DGKH: variants seen among roughly 807,000 people sequenced by gnomAD.
DGKH encodes the protein diacylglycerol kinase eta, also known as DAG kinase eta.
A neutral mutation model predicts 159.3 loss-of-function variants in DGKH; 90 were observed. The observed-to-expected ratio is 0.57, with a 90% CI of 0.48 to 0.67. DGKH has a LOEUF of 0.67. DGKH is among the 30% of genes least tolerant of loss of function. The pLI, the probability that DGKH is intolerant of heterozygous loss-of-function variation, is 0.00. For synonymous variants in DGKH, 536 were observed against 553.8 expected (o/e 0.97, Z 0.45); for missense variants, 1,181 against 1,506.1 (o/e 0.78, Z 3.57).
chr13:42,114,607 A>G (rs1482704429), intron 1 of DGKH, among the ~76,000 whole-genome samples: 2 of 152,216 alleles, frequency 1.3e-5, no homozygotes, highest in Non-Finnish European at 2.9e-5. Context: ...TCCAGCAGCA[A>G]TTCTAATCAT....
intron 5 of DGKH, among the ~76,000 whole-genome samples, chr13:42,158,303 T>C (rs1178455231): frequency 6.6e-6 from 1 of 152,248 alleles, no homozygotes; most frequent in Admixed American, 6.5e-5. Flanking sequence ...ACCTTTCATT[T>C]AAATTTAGCA....
At chr13:42,118,283 G>C (rs1055097132) in intron 1 of DGKH, among the ~76,000 whole-genome samples, 1 of 152,058 alleles carries the variant, frequency 6.6e-6, no homozygotes, top group Non-Finnish European at 1.5e-5. Flanking sequence ...CTCAATCAGG[G>C]GCCCAGCGCT....
At chr13:42,246,906 G>T (rs1377252732), downstream of DGKH, among the ~76,000 whole-genome samples, 3 of 152,084 alleles carry the variant, frequency 2.0e-5, no homozygotes, top group Non-Finnish European at 4.4e-5. Flanking sequence ...GAATGTGTGT[G>T]TGTATATACA....
intron 29 of DGKH, among the ~76,000 whole-genome samples, chr13:42,250,312 G>A (rs182580069): frequency 7.2e-5 from 11 of 152,036 alleles, no homozygotes; most frequent in African/African-American, 2.2e-4. Context: ...TAATTAACAC[G>A]TAATTGTACA....
intron 1 of DGKH, among the ~76,000 whole-genome samples, chr13:42,055,719 A>G (rs1212614844): frequency 1.3e-5 from 2 of 152,234 alleles, no homozygotes; most frequent in Non-Finnish European, 2.9e-5. Context: ...GTTTTAATTA[A>G]AGAGAGTTTG....
At position 42,212,272 on chromosome 13, in the gene DGKH, C is replaced by T. The variant is rs1957675699; in HGVS notation, c.3014+1507C>T. On this transcript the variant is annotated intron_variant, in intron 24 of 29. Coordinates refer to ENST00000337343, the MANE Select transcript of DGKH (RefSeq NM_178009.5). ...GAGACAGAAGAGAAAAGGCATACAC[C>T]CCCTACTGCTGGACCAACATTCAGA... Among the ~76,000 whole-genome samples the T allele has an allele frequency of 4.6e-5, 7 of 152,110 alleles. No homozygotes were observed. The South Asian group carries it at 1.4e-3, about 32-fold the overall frequency.
intron 1 of DGKH, among the ~76,000 whole-genome samples, chr13:42,062,841 A>G (rs1489012286): frequency 6.6e-6 from 1 of 152,240 alleles, no homozygotes; most frequent in Non-Finnish European, 1.5e-5. Flanking sequence ...GGGTTAAACC[A>G]GGTATCTGCT....
rs561309686 is a variant in DGKH, at chr13:42,228,398, A to G, written c.3574-701A>G. ...AGTATAAAGACTAATTAAATTAAAT[A>G]TTCCTCTCAAATTGAAGCCTTGTAA... On this transcript the variant is annotated intron_variant, in intron 29 of 29. Transcript: ENST00000337343. Among the ~76,000 whole-genome samples the G allele has an allele frequency of 3.9e-5, 6 of 152,350 alleles. No homozygotes were observed. In the East Asian group the frequency reaches 7.7e-4, roughly 20 times the overall value.
chr13:42,194,724 C>T (rs1484634463), intron 16 of DGKH, among the ~76,000 whole-genome samples, 161 bp from the exon 17 acceptor site: 1 of 152,056 alleles, frequency 6.6e-6, no homozygotes, highest in African/African-American at 2.4e-5. Flanking sequence ...CTTCTTATTC[C>T]CTCCATGTAA....
intron 1 of DGKH, among the ~76,000 whole-genome samples, chr13:42,050,861 A>C: frequency 6.6e-6 from 1 of 152,182 alleles, no homozygotes; most frequent in East Asian, 1.9e-4. Context: ...TCTCTTAAAC[A>C]AACAAGCAAA....
intron 1 of DGKH, among the ~76,000 whole-genome samples, chr13:42,109,633 T>A (rs1198577222): frequency 4.6e-5 from 7 of 151,674 alleles, no homozygotes; most frequent in Admixed American, 1.3e-4. Context: ...AGAACCCATG[T>A]GCAGCTGTGC....
chr13:42,228,092 T>G (rs1057435985), intron 29 of DGKH, among the ~76,000 whole-genome samples: 1 of 152,178 alleles, frequency 6.6e-6, no homozygotes, highest in Non-Finnish European at 1.5e-5. Context: ...CTTAACTGTT[T>G]CTTTTAGTTT....
At chr13:42,142,803 C>T (rs1397007344) in intron 3 of DGKH, among the ~76,000 whole-genome samples, 3 of 152,056 alleles carry the variant, frequency 2.0e-5, no homozygotes, top group Non-Finnish European at 2.9e-5. Flanking sequence ...TGGGCTGAGA[C>T]GATGGGGTTT....
intron 1 of DGKH, among the ~76,000 whole-genome samples, chr13:42,060,236 A>G (rs9532983): frequency 0.025 from 3,775 of 152,142 alleles, 58 homozygotes; most frequent in African/African-American, 0.042. Context: ...CTGTCTTTTC[A>G]CTGCCTCTTA....
intron 1 of DGKH, among the ~76,000 whole-genome samples, chr13:42,076,803 C>T: frequency 6.6e-6 from 1 of 151,992 alleles, no homozygotes; most frequent in East Asian, 1.9e-4. Context: ...GTAATTCATC[C>T]AAGGGAAGCT....
In DGKH at chr13:42,230,320, A is replaced by T. The variant is rs1251503236; in HGVS notation, c.*1132A>T. Reference sequence around the variant, plus strand: ...GATCTTCCAAACAGAAGGGATTTAAATTTTTTCTTAAGGGCTTTATGTTGT... The same window carrying T: ...GATCTTCCAAACAGAAGGGATTTAATTTTTTTCTTAAGGGCTTTATGTTGT... On this transcript the variant is annotated 3_prime_UTR_variant, in exon 30 of 30. Coordinates refer to ENST00000337343, the MANE Select transcript of DGKH (RefSeq NM_178009.5). 3 of 151,928 alleles carry T rather than the reference A, an allele frequency of 2.0e-5. No homozygotes were observed. Among genetic ancestry groups the T allele is most frequent in the Non-Finnish European group, 4.4e-5 (3 of 67,972 alleles). 9.4% of individuals were successfully genotyped at this position (151,928 alleles called of 1,614,324 possible).
At chr13:42,102,039 C>T (rs1331207320) in intron 1 of DGKH, among the ~76,000 whole-genome samples, 1 of 152,212 alleles carries the variant, frequency 6.6e-6, no homozygotes, top group Non-Finnish European at 1.5e-5. Context: ...AGGTTTCTAA[C>T]CCTCAGCCCA....
chr13:42,214,378 T>C, intron 24 of DGKH, 129 bp from the exon 25 acceptor site: 1 of 728,022 alleles, frequency 1.4e-6, no homozygotes, highest in Non-Finnish European at 2.1e-6. Flanking sequence ...TGAGCAGCCA[T>C]TAAAAGTGTT....
chr13:42,137,556 T>C (rs1013460985), intron 3 of DGKH, among the ~76,000 whole-genome samples: 2 of 152,220 alleles, frequency 1.3e-5, no homozygotes, highest in Admixed American at 6.5e-5. Context: ...GTCTTTATTG[T>C]GGAGTTTTAA....
Sources: allele counts gnomAD v4.1 joint callset (sites outside exome capture counted in the v4.1 genomes callset), GRCh38; gene constraint gnomAD v4.1.1; transcripts MANE v1.5; gene names NCBI Gene and HGNC (gene_info 2026-07-23, HGNC 2026-07-21).